CFAP299: variants seen among roughly 807,000 people sequenced by gnomAD.
The protein encoded by CFAP299 is cilia- and flagella-associated protein 299.
CFAP299 carries 21 observed loss-of-function variants against 27.0 expected under a neutral mutation model. That is an observed-to-expected ratio of 0.78 (90% CI 0.55 to 1.12). The LOEUF (loss-of-function observed/expected upper bound fraction) is 1.12. Ranked by LOEUF, CFAP299 falls within the 50% of genes most tolerant of loss-of-function variation. The probability of loss-of-function intolerance (pLI) is 0.00; values close to 1 mark genes in which losing one functional copy is unlikely to be tolerated. For missense variants in CFAP299, 310 were observed against 276.6 expected (o/e 1.12, Z -0.86); for synonymous variants, 104 against 98.1 (o/e 1.06, Z -0.36).
chr4:80,452,321 T>G (rs1462564932), intron 2 of CFAP299, among the ~76,000 whole-genome samples: 1 of 152,178 alleles, frequency 6.6e-6, no homozygotes, highest in East Asian at 1.9e-4. Flanking sequence ...TCATTCCCTA[T>G]TTGTTCATCT....
In CFAP299 at chr4:80,490,289, A is replaced by G. The variant is rs951547746; in HGVS notation, c.243-92804A>G. On this transcript the variant is annotated intron_variant, in intron 2 of 5. Transcript: ENST00000358105. The stretch of plus-strand genomic sequence containing the variant: ...CTTTAGTGCAGTGACTTTTTCAATT[A>G]TGTGGAATACTTTGAAAAAAATGTA... Among the ~76,000 whole-genome samples, 6 of 152,302 alleles carry G rather than the reference A, an allele frequency of 3.9e-5. No homozygotes were observed. In the East Asian group the frequency reaches 5.8e-4, roughly 15 times the overall value.
intron 2 of CFAP299, among the ~76,000 whole-genome samples, chr4:80,499,404 C>A (rs966585998): frequency 3.3e-5 from 5 of 152,004 alleles, no homozygotes; most frequent in African/African-American, 1.2e-4. Flanking sequence ...TAATATGCTT[C>A]AAAATGACTT....
At chr4:80,814,732 T>C (rs1729335694) in intron 3 of CFAP299, among the ~76,000 whole-genome samples, 1 of 150,430 alleles carries the variant, frequency 6.6e-6, no homozygotes. Context: ...AAAAAAAAAG[T>C]TTGGCTGAGA....
intron 2 of CFAP299, among the ~76,000 whole-genome samples, chr4:80,559,365 A>G (rs1734933078): frequency 6.6e-6 from 1 of 151,638 alleles, no homozygotes; most frequent in South Asian, 2.1e-4. Context: ...GTACTTCTTG[A>G]TGCAGGAGTG....
At chr4:80,441,593 G>A (rs1229647698) in intron 2 of CFAP299, among the ~76,000 whole-genome samples, 1 of 152,186 alleles carries the variant, frequency 6.6e-6, no homozygotes, top group Non-Finnish European at 1.5e-5. Context: ...ACCAGCCACT[G>A]CAACAACATA....
At chr4:80,879,932 T>C (rs1199516483) in intron 4 of CFAP299, among the ~76,000 whole-genome samples, 3 of 152,226 alleles carry the variant, frequency 2.0e-5, no homozygotes, top group Admixed American at 2.0e-4. Flanking sequence ...TATTATTTCC[T>C]ATAATCTGTC....
intron 2 of CFAP299, among the ~76,000 whole-genome samples, chr4:80,487,606 A>G (rs1342120563): frequency 6.6e-6 from 1 of 152,206 alleles, no homozygotes; most frequent in African/African-American, 2.4e-5. Context: ...ATCAGCAAGG[A>G]TTATTCAAGA....
intron 2 of CFAP299, among the ~76,000 whole-genome samples, chr4:80,467,314 C>A (rs1729755827): frequency 6.6e-6 from 1 of 152,212 alleles, no homozygotes; most frequent in African/African-American, 2.4e-5. Context: ...AGCAGAGCAG[C>A]CAAAGCTGTT....
rs200133458 is a variant in CFAP299, at chr4:80,552,997, AT to A, written c.243-30084del. Among the ~76,000 whole-genome samples the A allele has an allele frequency of 0.014, 2,069 of 146,054 alleles. 109 individuals carry two copies. In the East Asian group the frequency reaches 0.2, roughly 14 times the overall value. On this transcript the variant is annotated intron_variant, in intron 2 of 5. Transcript: ENST00000358105. ...GCCACTGCACATAGCCAATAGGTTT[AT>A]TTTTTTTTTTTAAAGTTTTATTTTA...
chr4:80,942,579 G>A (rs371144377), intron 4 of CFAP299, among the ~76,000 whole-genome samples: 2 of 151,952 alleles, frequency 1.3e-5, no homozygotes, highest in Non-Finnish European at 2.9e-5. Context: ...CAACCAAAAT[G>A]TCTTCATCAA....
At chr4:80,507,225 A>G (rs1279683267) in intron 2 of CFAP299, among the ~76,000 whole-genome samples, 3 of 152,110 alleles carry the variant, frequency 2.0e-5, no homozygotes, top group Admixed American at 6.6e-5. Context: ...TATAATCTCA[A>G]TTCATCATAT....
intron 2 of CFAP299, among the ~76,000 whole-genome samples, chr4:80,431,168 C>G (rs1401590676): frequency 6.6e-6 from 1 of 152,180 alleles, no homozygotes; most frequent in Non-Finnish European, 1.5e-5. Context: ...TACCTCCTTC[C>G]TCTACTAGAA....
At chr4:80,385,240 T>TC (rs1033975071) in intron 2 of CFAP299, among the ~76,000 whole-genome samples, 1 of 152,138 alleles carries the variant, frequency 6.6e-6, no homozygotes, top group African/African-American at 2.4e-5. Flanking sequence ...ATGTCTCATT[T>TC]CCCATCCCTC....
At chr4:80,625,973 G>T (rs936283729) in intron 3 of CFAP299, among the ~76,000 whole-genome samples, 1 of 151,896 alleles carries the variant, frequency 6.6e-6, no homozygotes, top group African/African-American at 2.4e-5. Flanking sequence ...GAAATGGGCA[G>T]ATCATTCACA....
intron 2 of CFAP299, among the ~76,000 whole-genome samples, chr4:80,470,679 A>G (rs1427230952): frequency 6.6e-6 from 1 of 152,166 alleles, no homozygotes; most frequent in African/African-American, 2.4e-5. Context: ...GATTAATAGC[A>G]TGACATACTA....
At chr4:80,687,411 C>T (rs1720275104) in intron 3 of CFAP299, among the ~76,000 whole-genome samples, 1 of 151,882 alleles carries the variant, frequency 6.6e-6, no homozygotes, top group Admixed American at 6.6e-5. Flanking sequence ...AAAACTGAGA[C>T]CTATGGAAGA....
In CFAP299 at chr4:80,696,877, G is replaced by A. The variant is rs148620062; in HGVS notation, c.333+113694G>A. 1.3e-3 allele frequency among the ~76,000 whole-genome samples: 197 copies of A among 152,216 alleles called. 1 individual carries two copies. The highest frequency in any genetic ancestry group is 4.5e-3 in the African/African-American group (187 of 41,534). On this transcript the variant is annotated intron_variant, in intron 3 of 5. Coordinates refer to ENST00000358105, the MANE Select transcript of CFAP299 (RefSeq NM_152770.3). The stretch of plus-strand genomic sequence containing the variant: ...GAAGAATAGGATGAAATGAAGTTGG[G>A]GAAGTAGCCAGAAGCAAATCATATG...
intron 3 of CFAP299, among the ~76,000 whole-genome samples, chr4:80,865,282 CT>C (rs1732656649): frequency 1.3e-5 from 2 of 152,142 alleles, no homozygotes; most frequent in African/African-American, 4.8e-5. Flanking sequence ...ACTATTAACT[CT>C]GGAGCAAAAT....
intron 2 of CFAP299, among the ~76,000 whole-genome samples, chr4:80,397,509 G>A (rs1411181006): frequency 6.6e-6 from 1 of 152,046 alleles, no homozygotes; most frequent in Non-Finnish European, 1.5e-5. Flanking sequence ...GCTTTCTCTT[G>A]TGGGTATCTA....
Sources: gnomAD v4.1 joint callset for allele counts (sites outside exome capture counted in the v4.1 genomes callset) on GRCh38, gnomAD v4.1.1 for gene constraint, MANE v1.5 for transcripts, NCBI Gene and HGNC (gene_info 2026-07-23, HGNC 2026-07-21) for gene names.